Variants in SERGEF observed in about 807,000 individuals in gnomAD.
The protein encoded by SERGEF is secretion regulating guanine nucleotide exchange factor.
SERGEF carries 51 observed loss-of-function variants against 50.0 expected under a neutral mutation model. That is an observed-to-expected ratio of 1.02 (90% confidence interval 0.81 to 1.29). SERGEF has a LOEUF of 1.29. Among genes scored for constraint, SERGEF ranks in the 50% most tolerant of loss-of-function variants. The pLI is 0.00. For missense variants in SERGEF, 521 were observed against 557.0 expected, an observed-to-expected ratio of 0.94 and a Z score of 0.65; for synonymous variants, 205 against 212.4, an observed-to-expected ratio of 0.97 and a Z score of 0.30.
At chr11:17,872,612 C>T (rs892198978) in intron 10 of SERGEF, among the ~76,000 whole-genome samples, 2 of 152,198 alleles carry the variant, frequency 1.3e-5, no homozygotes, top group Non-Finnish European at 2.9e-5. Flanking sequence ...TACATTTATA[C>T]TTTGACACAG....
chr11:17,801,980 A>G (rs1038720878), intron 10 of SERGEF, among the ~76,000 whole-genome samples: 5 of 152,236 alleles, frequency 3.3e-5, no homozygotes, highest in African/African-American at 1.2e-4. Context: ...TCATAAAAAA[A>G]CACATAATAT....
At chr11:17,798,470 C>G (rs530924088) in intron 10 of SERGEF, among the ~76,000 whole-genome samples, 2 of 152,352 alleles carry the variant, frequency 1.3e-5, no homozygotes, top group East Asian at 3.9e-4. Flanking sequence ...CAGCCCTCCC[C>G]ACCCCCAGCC....
rs1475064487 is a variant in SERGEF, at chr11:17,788,120, T to C, written c.1342A>G (p.Ser448Gly). The part of the protein sequence containing the change: ...KERQSETSTQ[S>G]QSDWSRNGGL ...CCATTTCTGGACCAGTCAGATTGGC[T>C]TTGGGTTGAAGTTTCTGATTGTCTT... is the stretch of plus-strand genomic sequence containing the variant. Residue 448 changes from serine to glycine, a missense_variant, in exon 11 of 11, where the codon AGC becomes GGC. By Grantham distance (56) the Ser-to-Gly change is moderately conservative. Transcript: ENST00000265965. The C allele has an allele frequency of 6.4e-7, 1 of 1,560,828 alleles. No individual in the cohort carries two copies. Among genetic ancestry groups the C allele is most frequent in the East Asian group, 2.3e-5 (1 of 43,998 alleles).
At chr11:17,815,415 A>G (rs1487918682) in intron 10 of SERGEF, among the ~76,000 whole-genome samples, 3 of 143,750 alleles carry the variant, frequency 2.1e-5, no homozygotes, top group Non-Finnish European at 4.5e-5. Context: ...CCTGGTAAAC[A>G]TCGTGAAACC....
intron 10 of SERGEF, among the ~76,000 whole-genome samples, chr11:17,810,069 G>A (rs1369951321): frequency 3.3e-5 from 5 of 152,164 alleles, no homozygotes; most frequent in African/African-American, 9.7e-5. Context: ...TGTATTCTTG[G>A]TGGAGGTCTT....
chr11:17,791,539 A>C (rs12361234), intron 10 of SERGEF, among the ~76,000 whole-genome samples: 23,534 of 152,234 alleles, frequency 0.15, 2,262 homozygotes, highest in African/African-American at 0.26. Context: ...AAAAATAATT[A>C]CAATGTTTAT....
chr11:17,848,933 G>A (rs948922697), intron 10 of SERGEF, among the ~76,000 whole-genome samples: 4 of 152,126 alleles, frequency 2.6e-5, no homozygotes, highest in African/African-American at 4.8e-5. Flanking sequence ...TTATACAGTC[G>A]AATGGGGCGG....
At chr11:17,930,252 C>T (rs1363894005) in intron 9 of SERGEF, among the ~76,000 whole-genome samples, 1 of 152,182 alleles carries the variant, frequency 6.6e-6, no homozygotes, top group Non-Finnish European at 1.5e-5. Flanking sequence ...AGATGCTCAA[C>T]AAATGTTATC....
In SERGEF at chr11:17,813,765, G is replaced by A. The variant is rs551282307; in HGVS notation, c.1049-25352C>T. On this transcript the variant is annotated intron_variant, in intron 10 of 10. Coordinates refer to ENST00000265965, the MANE Select transcript of SERGEF (RefSeq NM_012139.4). The stretch of plus-strand genomic sequence containing the variant: ...AAACAAAAATAAGGAATGCAACACC[G>A]CAAACATTAGAGAAGCAGATTGAAA... Among the ~76,000 whole-genome samples the A allele has an allele frequency of 5.3e-5, 8 of 152,330 alleles. No individual in the cohort carries two copies. In the East Asian group the frequency reaches 1.5e-3, roughly 29 times the overall value.
intron 8 of SERGEF, among the ~76,000 whole-genome samples, chr11:17,967,835 G>A (rs1853157338): frequency 6.6e-6 from 1 of 152,196 alleles, no homozygotes; most frequent in Non-Finnish European, 1.5e-5. Context: ...TCTGCCCCCA[G>A]CTCACAATGC....
chr11:17,842,158 T>G (rs990454527), intron 10 of SERGEF, among the ~76,000 whole-genome samples: 2 of 152,306 alleles, frequency 1.3e-5, no homozygotes, highest in Non-Finnish European at 2.9e-5. Context: ...TTTATCATCA[T>G]AGTATCTCCA....
chr11:17,889,177 A>G (rs1428828133), intron 9 of SERGEF, among the ~76,000 whole-genome samples: 1 of 152,234 alleles, frequency 6.6e-6, no homozygotes, highest in East Asian at 1.9e-4. Flanking sequence ...GCATGTTAAA[A>G]CTACTGGGCA....
intron 2 of SERGEF, among the ~76,000 whole-genome samples, chr11:18,006,977 C>G (rs186617966): frequency 5.6e-4 from 85 of 152,326 alleles, no homozygotes; most frequent in African/African-American, 1.9e-3. Flanking sequence ...GTCAATCAAT[C>G]ACCAAACTGA....
At chr11:17,826,396 C>T (rs1850196550) in intron 10 of SERGEF, among the ~76,000 whole-genome samples, 1 of 152,284 alleles carries the variant, frequency 6.6e-6, no homozygotes, top group Non-Finnish European at 1.5e-5. Context: ...TTTTAATTCT[C>T]GGGCTCCCCA....
intron 10 of SERGEF, among the ~76,000 whole-genome samples, chr11:17,831,876 T>C (rs1850314380): frequency 6.6e-6 from 1 of 152,214 alleles, no homozygotes; most frequent in Non-Finnish European, 1.5e-5. Context: ...AAAGACCTTG[T>C]GCATTACCTT....
At chr11:17,995,592 T>A (rs1853820432) in intron 6 of SERGEF, among the ~76,000 whole-genome samples, 1 of 152,184 alleles carries the variant, frequency 6.6e-6, no homozygotes, top group Non-Finnish European at 1.5e-5. Context: ...TATGCCTCAA[T>A]CGGTTCCAAA....
At chr11:17,830,358 C>T (rs1850271266) in intron 10 of SERGEF, among the ~76,000 whole-genome samples, 2 of 152,188 alleles carry the variant, frequency 1.3e-5, no homozygotes, top group Admixed American at 6.5e-5. Context: ...TATTCACTCA[C>T]TTGGTGTCTT....
intron 10 of SERGEF, among the ~76,000 whole-genome samples, chr11:17,809,427 G>A (rs1849827162): frequency 6.6e-6 from 1 of 152,232 alleles, no homozygotes; most frequent in Admixed American, 6.5e-5. Flanking sequence ...GGACAACAGA[G>A]TAGCAGAATC....
intron 8 of SERGEF, among the ~76,000 whole-genome samples, chr11:17,960,643 C>T (rs529168358): frequency 5.9e-5 from 9 of 152,244 alleles, no homozygotes; most frequent in Non-Finnish European, 1.3e-4. Context: ...ATCAAAGCTT[C>T]ATCTGGCCCC....
Sources: allele counts gnomAD v4.1 joint callset (sites outside exome capture counted in the v4.1 genomes callset), GRCh38; gene constraint gnomAD v4.1.1; transcripts MANE v1.5; gene names NCBI Gene and HGNC (gene_info 2026-07-23, HGNC 2026-07-21).